The following RCL1 variants were observed in gnomAD, a reference collection of about 807,000 sequenced individuals.
RCL1 encodes the protein RNA 3'-terminal phosphate cyclase-like protein.
RCL1 carries 24 observed loss-of-function variants against 42.4 expected under a neutral mutation model. The observed-to-expected ratio is 0.57, with a 90% CI of 0.41 to 0.80. RCL1 has a LOEUF of 0.80. RCL1 is among the 30% of genes least tolerant of loss of function. The pLI is 0.00. For missense variants in RCL1, 578 were observed against 467.9 expected, an observed-to-expected ratio of 1.24 and a Z score of -2.17; for synonymous variants, 228 against 177.3, an observed-to-expected ratio of 1.29 and a Z score of -2.27.
rs1816664276 is a variant in RCL1 at position 4,823,622 on chromosome 9, A to G, written c.208+3A>G. On this transcript the variant is annotated splice_donor_region_variant and intron_variant, in intron 2 of 8. Coordinates refer to ENST00000381750, the MANE Select transcript of RCL1 (RefSeq NM_005772.5). ...TCGAATTGAAATAAACCAAACAGGT[A>G]AGCTCCTTTTAGATTCCTAAAAGCA... is the stretch of plus-strand genomic sequence containing the variant. 1.9e-6 allele frequency: 3 copies of G among 1,606,218 alleles called. No homozygotes were observed. The South Asian group carries it at 3.3e-5, about 18-fold the overall frequency.
intron 1 of RCL1, among the ~76,000 whole-genome samples, chr9:4,810,946 G>A (rs1054865399): frequency 8.6e-5 from 13 of 151,926 alleles, no homozygotes; most frequent in African/African-American, 2.9e-4. Flanking sequence ...AGTATTTATT[G>A]GGCACAGTGT....
intron 5 of RCL1, among the ~76,000 whole-genome samples, chr9:4,838,726 A>G (rs1200016373): frequency 6.6e-6 from 1 of 152,168 alleles, no homozygotes. Flanking sequence ...GGGCTTTAGG[A>G]GGTTCATAAA....
chr9:4,806,054 G>GTGTGTGTGTT (rs1815947159), intron 1 of RCL1, among the ~76,000 whole-genome samples: 1 of 146,442 alleles, frequency 6.8e-6, no homozygotes, highest in Non-Finnish European at 1.5e-5. Context: ...GTTTGTGTGT[G>GTGTGTGTGTT]TGTGTGTGTT....
intron 1 of RCL1, among the ~76,000 whole-genome samples, chr9:4,801,943 G>A (rs868407077): frequency 1.3e-5 from 2 of 151,462 alleles, no homozygotes; most frequent in Non-Finnish European, 2.9e-5. Flanking sequence ...ACGGAATCTC[G>A]CTCTGTTGCC....
At chr9:4,796,585 G>A (rs1842917876) in intron 1 of RCL1, among the ~76,000 whole-genome samples, 1 of 152,066 alleles carries the variant, frequency 6.6e-6, no homozygotes, top group Admixed American at 6.6e-5. Context: ...TTTTTGTAGA[G>A]ATGGGGTGTT....
intron 5 of RCL1, 100 bp from the exon 6 acceptor site, chr9:4,841,132 A>G (rs1290773145): frequency 1.6e-6 from 2 of 1,251,626 alleles, no homozygotes; most frequent in Admixed American, 1.9e-5. Flanking sequence ...TGGAAGTCCC[A>G]GTTTGTTACT....
At chr9:4,846,862 A>G (rs565385969) in intron 7 of RCL1, among the ~76,000 whole-genome samples, 1 of 151,146 alleles carries the variant, frequency 6.6e-6, no homozygotes, top group African/African-American at 2.4e-5. Context: ...GAGGAAAAAC[A>G]TGCAGTTTAA....
Position 4,793,207 on chromosome 9 carries a change from A to C in RCL1, c.116A>C (p.Asp39Ala). The C allele has an allele frequency of 6.2e-7, 1 of 1,604,772 alleles. No homozygotes were observed. The highest frequency in any genetic ancestry group is 8.5e-7 in the Non-Finnish European group (1 of 1,175,830). Residue 39 changes from aspartate (D) to alanine (A), a missense_variant, in exon 1 of 9, where the codon GAC becomes GCC. Transcript: ENST00000381750. ...AAAATCCGAAAGATTCGGGCCAGAG[A>C]CGACAACCCGGGCCTCCGAGGTAAC... is the stretch of plus-strand genomic sequence containing the variant. ...PVKIRKIRAR[D>A]DNPGLRDFEA...
At chr9:4,807,409 C>T (rs1327684913) in intron 1 of RCL1, among the ~76,000 whole-genome samples, 2 of 152,182 alleles carry the variant, frequency 1.3e-5, no homozygotes, top group Non-Finnish European at 2.9e-5. Context: ...TTTGTCTCAA[C>T]ATTGCCTTAG....
intron 1 of RCL1, among the ~76,000 whole-genome samples, chr9:4,807,538 A>C (rs892961626): frequency 6.6e-6 from 1 of 152,000 alleles, no homozygotes; most frequent in African/African-American, 2.4e-5. Flanking sequence ...TATTTTTTTG[A>C]GACAGAGTTT....
chr9:4,858,996 T>G (rs1196160403), intron 8 of RCL1, among the ~76,000 whole-genome samples: 1 of 152,158 alleles, frequency 6.6e-6, no homozygotes, highest in Admixed American at 6.5e-5. Context: ...GTGTGTGGAC[T>G]GTGATTCTGG....
intron 3 of RCL1, among the ~76,000 whole-genome samples, chr9:4,832,225 T>C (rs1249773166): frequency 6.6e-6 from 1 of 152,172 alleles, no homozygotes; most frequent in Admixed American, 6.5e-5. Flanking sequence ...CGTGGCAAAG[T>C]CTTGCCATTA....
At chr9:4,824,593 T>C (rs1341886882) in intron 2 of RCL1, among the ~76,000 whole-genome samples, 1 of 152,228 alleles carries the variant, frequency 6.6e-6, no homozygotes, top group Non-Finnish European at 1.5e-5. Context: ...TATGGAAAAC[T>C]GTGGCAAACA....
At chr9:4,857,279 G>A (rs1817993685) in intron 8 of RCL1, among the ~76,000 whole-genome samples, 1 of 152,088 alleles carries the variant, frequency 6.6e-6, no homozygotes, top group South Asian at 2.1e-4. Context: ...CCCAGCCCCA[G>A]GCAACCACGA....
intron 1 of RCL1, among the ~76,000 whole-genome samples, chr9:4,816,462 T>C (rs2130989411): frequency 6.6e-6 from 1 of 152,344 alleles, no homozygotes; most frequent in East Asian, 1.9e-4. Flanking sequence ...CTTTTTAAAA[T>C]AGAATTTGAC....
intron 2 of RCL1, 75 bp from the exon 3 acceptor site, chr9:4,826,783 C>A: frequency 7.6e-7 from 1 of 1,311,988 alleles, no homozygotes; most frequent in Non-Finnish European, 1.1e-6. Context: ...CCCCTTGGAA[C>A]TCACTGCCTT....
At chr9:4,836,447 C>A (rs118037990) in intron 5 of RCL1, among the ~76,000 whole-genome samples, 2,868 of 152,142 alleles carry the variant, frequency 0.019, 32 homozygotes, top group Non-Finnish European at 0.029. Context: ...GAAATAGATA[C>A]ATGTACTGTG....
intron 5 of RCL1, among the ~76,000 whole-genome samples, chr9:4,835,312 CA>C (rs1401769260): frequency 1.3e-5 from 2 of 152,140 alleles, no homozygotes; most frequent in East Asian, 3.9e-4. Flanking sequence ...AGAGAATAAA[CA>C]AAACATAGCT....
chr9:4,793,065 G>C lies in RCL1; in HGVS notation c.-27G>C, dbSNP rs1014972922. The stretch of plus-strand genomic sequence containing the variant: ...TGTCCGAAGTCGCCGCTCTCGGGCT[G>C]CTCACGTCTCTTCGGAGAGCGCGCA... On this transcript the variant is annotated 5_prime_UTR_variant, in exon 1 of 9. Transcript: ENST00000381750. 1.2e-6 allele frequency: 2 copies of C among 1,601,846 alleles called. No individual in the cohort carries two copies. Among genetic ancestry groups the C allele is most frequent in the Non-Finnish European group, 1.7e-6 (2 of 1,174,762 alleles).
Sources: gnomAD v4.1 joint callset for allele counts (sites outside exome capture counted in the v4.1 genomes callset) on GRCh38, gnomAD v4.1.1 for gene constraint, MANE v1.5 for transcripts, NCBI Gene and HGNC (gene_info 2026-07-23, HGNC 2026-07-21) for gene names.